Variants in DDX21 observed in about 807,000 individuals in gnomAD.
DDX21 encodes the protein nucleolar RNA helicase 2.
Under a neutral mutation model 90.0 loss-of-function variants are expected in DDX21, and 18 were observed. The ratio of observed to expected loss-of-function variants is 0.20; its 90% confidence interval spans 0.14 to 0.30. The LOEUF (loss-of-function observed/expected upper bound fraction) is 0.30. DDX21 is among the 10% of genes least tolerant of loss of function. The pLI, the probability that DDX21 is intolerant of heterozygous loss-of-function variation, is 1.00. For synonymous variants in DDX21, 294 were observed against 318.0 expected (o/e 0.92, Z 0.80); for missense variants, 673 against 944.5 (o/e 0.71, Z 3.77).
intron 6 of DDX21, 24 bp from the exon 7 acceptor site, chr10:68,968,952 C>CA: frequency 6.2e-7 from 1 of 1,600,568 alleles, no homozygotes; most frequent in Non-Finnish European, 8.5e-7. Flanking sequence ...TTCATACTGA[C>CA]TTTTTTTTTC....
intron 14 of DDX21, among the ~76,000 whole-genome samples, chr10:68,982,070 C>T (rs986237877): frequency 3.3e-5 from 5 of 152,128 alleles, no homozygotes; most frequent in Non-Finnish European, 7.3e-5. Flanking sequence ...ACGGGGGTTT[C>T]GCCATGTTGG....
chr10:68,983,697 G>GT lies in DDX21; in HGVS notation c.*886dup, dbSNP rs1554841740. The GT allele has an allele frequency of 2.8e-5, 1 of 35,134 alleles. No individual in the cohort carries two copies. Among genetic ancestry groups the GT allele is most frequent in the Non-Finnish European group, 4.5e-5 (1 of 22,058 alleles). The allele number at this position is 35,134 out of a possible 1,614,324, so 2.2% of individuals were successfully genotyped here. A position where few individuals can be genotyped will look rare whatever the true frequency, so the allele number is the denominator to read the frequency against. On this transcript the variant is annotated 3_prime_UTR_variant, in exon 15 of 15. Coordinates refer to ENST00000354185, the MANE Select transcript of DDX21 (RefSeq NM_004728.4). ...GCAGATTAGCATTGCTCAAGAGTAT[G>GT]TAAAAAAAAAAAAAAAAAAAAAGAA...
intron 1 of DDX21, chr10:68,956,657 C>T: frequency 8.9e-7 from 1 of 1,126,990 alleles, no homozygotes; most frequent in Non-Finnish European, 1.1e-6. Context: ...ACACAGTGCG[C>T]AGAGTTGGAC....
chr10:68,977,542 G>C lies in DDX21; in HGVS notation c.1756G>C (p.Val586Leu). 1 of 1,608,514 alleles carries C rather than the reference G, an allele frequency of 6.2e-7. No homozygotes were observed. The highest frequency in any genetic ancestry group is 8.5e-7 in the Non-Finnish European group (1 of 1,176,386). ...CTCAAACAACAGGCTTTTGGATTCC[G>C]TGCCTCCCACTGCCATTAGTCACTT... Reference protein sequence around the residue: ...SKDAIRLLDSVPPTAISHFKQ... With the variant: ...SKDAIRLLDSLPPTAISHFKQ... The change falls in exon 12 of 15, where the codon GTG becomes CTG. Residue 586 changes from valine to leucine, a missense_variant. Physicochemically the swap from Val to Leu is conservative, Grantham distance 32. Transcript: ENST00000354185.
intron 9 of DDX21, among the ~76,000 whole-genome samples, 196 bp from the exon 10 acceptor site, chr10:68,973,349 C>T (rs754053021): frequency 7.2e-5 from 11 of 152,134 alleles, no homozygotes; most frequent in Non-Finnish European, 1.5e-5. Flanking sequence ...TGTAAATTTG[C>T]CTGCAGGACA....
At chr10:68,961,969 A>C in intron 2 of DDX21, 113 bp from the exon 3 acceptor site, 1 of 710,360 alleles carries the variant, frequency 1.4e-6, no homozygotes, top group East Asian at 2.7e-5. Flanking sequence ...TTTTAAAGTG[A>C]TGTGTTTAGA....
chr10:68,979,088 T>C (rs557547736), intron 13 of DDX21, 112 bp downstream of exon 13: 180 of 1,451,620 alleles, frequency 1.2e-4, no homozygotes, highest in Non-Finnish European at 1.7e-4. Context: ...CACTCTCTCA[T>C]CTTCCCTGGG....
chr10:68,970,799 C>T (rs759392614), intron 8 of DDX21, among the ~76,000 whole-genome samples: 5 of 151,904 alleles, frequency 3.3e-5, no homozygotes, highest in Non-Finnish European at 5.9e-5. Context: ...ATTACAGGCA[C>T]GTGCCAGCAT....
chr10:68,979,578 C>A (rs1020962187), intron 13 of DDX21, among the ~76,000 whole-genome samples: 1 of 152,184 alleles, frequency 6.6e-6, no homozygotes, highest in Admixed American at 6.5e-5. Context: ...TCATATATGT[C>A]TAGGAAACTC....
Position 68,982,934 on chromosome 10 carries a change from T to A in DDX21, c.*122T>A. ...TCCTTTTGACCACTTGCCAAGTCCC[T>A]GTCTCTTTCAGACACAGACAAGCTT... On this transcript the variant is annotated 3_prime_UTR_variant, in exon 15 of 15. Transcript: ENST00000354185. 1 of 1,247,970 alleles carries A rather than the reference T, an allele frequency of 8.0e-7. No homozygotes were observed. The highest frequency in any genetic ancestry group is 1.1e-6 in the Non-Finnish European group (1 of 908,748). The allele number at this position is 1,247,970 out of a possible 1,614,324, so 77.3% of individuals were successfully genotyped here.
intron 11 of DDX21, among the ~76,000 whole-genome samples, chr10:68,977,328 G>T (rs1018023361): frequency 1.3e-5 from 2 of 152,004 alleles, no homozygotes; most frequent in Non-Finnish European, 2.9e-5. Context: ...AAAATGGTGG[G>T]GTAGGTGATA....
rs769799333 is a variant in DDX21, at chr10:68,969,064, A to G, written c.1179A>G (p.Thr393=). 7.4e-6 allele frequency: 12 copies of G among 1,614,000 alleles called. No individual in the cohort carries two copies. Among genetic ancestry groups the G allele is most frequent in the Non-Finnish European group, 6.8e-6 (8 of 1,180,018 alleles). ...TTGCCAAGAAATACATGAAATCTAC[A>G]TATGAACAGGTGGACCTGATTGGTA... The part of the protein sequence containing the change: ...FNVAKKYMKS[T]YEQVDLIGKK... The change falls in exon 7 of 15, where the codon ACA becomes ACG. Residue 393 remains threonine (T), a synonymous_variant. Transcript: ENST00000354185.
chr10:68,971,135 C>T (rs1305532830), intron 8 of DDX21, among the ~76,000 whole-genome samples: 3 of 151,374 alleles, frequency 2.0e-5, no homozygotes, highest in Non-Finnish European at 2.9e-5. Flanking sequence ...AATTCATGTG[C>T]CACATATTAT....
At chr10:68,957,145 G>C (rs916882732) in intron 1 of DDX21, among the ~76,000 whole-genome samples, 5 of 152,076 alleles carry the variant, frequency 3.3e-5, no homozygotes, top group Admixed American at 1.3e-4. Flanking sequence ...TTAAACTCTC[G>C]TAAGGGAAGT....
chr10:68,979,124 C>A, intron 13 of DDX21, 148 bp downstream of exon 13: 1 of 1,113,948 alleles, frequency 9.0e-7, no homozygotes, highest in Non-Finnish European at 1.3e-6. Context: ...TCCTCAGATG[C>A]CACTCTGCCA....
At chr10:68,977,959 A>T (rs141251448) in intron 12 of DDX21, among the ~76,000 whole-genome samples, 46 of 151,988 alleles carry the variant, frequency 3.0e-4, no homozygotes, top group East Asian at 1.2e-3. Context: ...AAATAAAAAA[A>T]AAAAAAATTA....
At chr10:68,970,605 C>T (rs1008532718) in intron 8 of DDX21, among the ~76,000 whole-genome samples, 1 of 151,532 alleles carries the variant, frequency 6.6e-6, no homozygotes, top group Non-Finnish European at 1.5e-5. Context: ...CTCAGTCTCC[C>T]GAGTAGCTGG....
Position 68,974,664 on chromosome 10 carries a change from CT to C in DDX21, c.1669-5del. ...GTACATTAAACTGTGGTTCATTTTC[CT>C]GTAGGGAATTAAGTTCAAACGAATA... On this transcript the variant is annotated splice_polypyrimidine_tract_variant and splice_region_variant and intron_variant, in intron 10 of 14. Coordinates refer to ENST00000354185, the MANE Select transcript of DDX21 (RefSeq NM_004728.4). 1 of 1,613,102 alleles carries C rather than the reference CT, an allele frequency of 6.2e-7. No individual in the cohort carries two copies. The highest frequency in any genetic ancestry group is 1.1e-5 in the South Asian group (1 of 90,988).
rs961018158 is a variant in DDX21 at position 68,980,949 on chromosome 10, A to G, written c.2038-588A>G. Among the ~76,000 whole-genome samples, 5 of 151,244 alleles carry G rather than the reference A, an allele frequency of 3.3e-5. No individual in the cohort carries two copies. The Middle Eastern group carries it at 0.01, about 315-fold the overall frequency. ...AGCCTAGGCAGTAGAGCAAGACCCT[A>G]TCTTAAGAGGGAAAAAAAAAAGATG... On this transcript the variant is annotated intron_variant, in intron 13 of 14. Coordinates refer to ENST00000354185, the MANE Select transcript of DDX21 (RefSeq NM_004728.4).
Sources: allele counts gnomAD v4.1 joint callset (sites outside exome capture counted in the v4.1 genomes callset), GRCh38; gene constraint gnomAD v4.1.1; transcripts MANE v1.5; gene names NCBI Gene and HGNC (gene_info 2026-07-23, HGNC 2026-07-21).